The following SLC8A3 variants were observed in gnomAD, a reference collection of about 807,000 sequenced individuals.
SLC8A3 encodes the protein sodium/calcium exchanger 3.
Under a neutral mutation model 65.4 loss-of-function variants are expected in SLC8A3, and 37 were observed. The observed-to-expected ratio is 0.57, with a 90% CI of 0.44 to 0.74. SLC8A3 has a LOEUF of 0.74. Ranked by LOEUF, SLC8A3 falls within the 30% of genes least tolerant of loss-of-function variation. The probability of loss-of-function intolerance (pLI) is 0.00; values close to 1 mark genes in which losing one functional copy is unlikely to be tolerated. For synonymous variants in SLC8A3, 461 were observed against 444.5 expected (o/e 1.04, Z -0.47); for missense variants, 1,112 against 1,172.1 (o/e 0.95, Z 0.75).
intron 2 of SLC8A3, among the ~76,000 whole-genome samples, chr14:70,159,167 G>A (rs1438434338): frequency 1.3e-5 from 2 of 152,162 alleles, no homozygotes; most frequent in Non-Finnish European, 2.9e-5. Context: ...CCAGCACTTT[G>A]GGAGGCCAAG....
chr14:70,144,544 C>T (rs1481714930), intron 2 of SLC8A3, among the ~76,000 whole-genome samples: 2 of 151,034 alleles, frequency 1.3e-5, no homozygotes, highest in Non-Finnish European at 1.5e-5. Flanking sequence ...GCAGGAGAAT[C>T]GCTTGAACCT....
chr14:70,072,310 GAT>G (rs1345567353), intron 2 of SLC8A3, among the ~76,000 whole-genome samples: 1 of 152,148 alleles, frequency 6.6e-6, no homozygotes, highest in Non-Finnish European at 1.5e-5. Flanking sequence ...TAGGGTTCAG[GAT>G]ATGATCACAG....
intron 2 of SLC8A3, among the ~76,000 whole-genome samples, chr14:70,100,660 A>C (rs1892497305): frequency 6.6e-6 from 1 of 152,216 alleles, no homozygotes; most frequent in Non-Finnish European, 1.5e-5. Flanking sequence ...TAAGGGCATA[A>C]AAAGCCTACA....
chr14:70,046,049 G>C lies in SLC8A3; in HGVS notation c.2664C>G (p.Pro888=). 2 of 1,614,042 alleles carry C rather than the reference G, an allele frequency of 1.2e-6. No homozygotes were observed. The highest frequency in any genetic ancestry group is 4.5e-5 in the East Asian group (2 of 44,880). Reference sequence around the variant, plus strand: ...ATGTTGTGGCGAGCTTGCAGCCACGGGGGCCACCAAGCTCCCCTCCCAGGT... The same window carrying C: ...ATGTTGTGGCGAGCTTGCAGCCACGCGGGCCACCAAGCTCCCCTCCCAGGT... ...RPHLGGELGG[P]RGCKLATTWL... is the part of the protein sequence containing the mutation. Residue 888 remains proline (P), a synonymous_variant, in exon 7 of 7, where the codon CCC becomes CCG. Transcript: ENST00000356921. This position sits in a 1 kb window ranked among gnomAD's most constrained non-coding sequence, Gnocchi z 4.2.
intron 1 of SLC8A3, among the ~76,000 whole-genome samples, chr14:70,182,839 C>G (rs891321071): frequency 1.3e-5 from 2 of 152,136 alleles, no homozygotes; most frequent in Admixed American, 1.3e-4. Context: ...AAGAAAGACA[C>G]TTCAGATAAG....
chr14:70,134,507 C>T (rs1395218037), intron 2 of SLC8A3, among the ~76,000 whole-genome samples: 3 of 152,156 alleles, frequency 2.0e-5, no homozygotes, highest in Non-Finnish European at 2.9e-5. Flanking sequence ...AAAGCCTAGA[C>T]ACCACCCTCA....
At chr14:70,047,136 G>C (rs1214124120) in intron 6 of SLC8A3, 1 of 152,238 alleles carries the variant, frequency 6.6e-6, no homozygotes, top group Non-Finnish European at 1.5e-5. Context: ...TAAATCAGAT[G>C]AGTGGATCAC....
At chr14:70,176,305 C>T (rs1262845871) in intron 1 of SLC8A3, among the ~76,000 whole-genome samples, 1 of 152,156 alleles carries the variant, frequency 6.6e-6, no homozygotes, top group Non-Finnish European at 1.5e-5. Context: ...AAGTCATCCT[C>T]CTGTTGGAGA....
At chr14:70,108,568 G>C (rs1280035035) in intron 2 of SLC8A3, among the ~76,000 whole-genome samples, 2 of 152,066 alleles carry the variant, frequency 1.3e-5, no homozygotes, top group African/African-American at 4.8e-5. Context: ...TTTTCTCCCA[G>C]AGAAAAATGC....
At chr14:70,114,232 T>C (rs1051983519) in intron 2 of SLC8A3, among the ~76,000 whole-genome samples, 15 of 152,316 alleles carry the variant, frequency 9.8e-5, no homozygotes, top group African/African-American at 3.4e-4. Flanking sequence ...GCTTCAGCAC[T>C]GTTGACATCT....
intron 2 of SLC8A3, among the ~76,000 whole-genome samples, chr14:70,090,038 T>C (rs921577169): frequency 6.6e-6 from 1 of 151,090 alleles, no homozygotes; most frequent in South Asian, 2.1e-4. Flanking sequence ...CTACCCTTTC[T>C]GTCTTTTTTT....
chr14:70,181,741 A>AAATGGAATGCC (rs1489591818), intron 1 of SLC8A3, among the ~76,000 whole-genome samples: 14 of 152,206 alleles, frequency 9.2e-5, no homozygotes, highest in Admixed American at 9.2e-4. Context: ...AATACAAGGA[A>AAATGGAATGCC]CTGCAAAAAA....
At chr14:70,173,448 T>TA (rs1420905907) in intron 1 of SLC8A3, among the ~76,000 whole-genome samples, 1 of 152,196 alleles carries the variant, frequency 6.6e-6, no homozygotes, top group African/African-American at 2.4e-5. Context: ...TCTGTGTCCT[T>TA]AGCAGTGGCT....
At chr14:70,072,595 G>GTCCATCCATCCATCCATCCA (rs36178413) in intron 2 of SLC8A3, among the ~76,000 whole-genome samples, 2 of 149,678 alleles carry the variant, frequency 1.3e-5, no homozygotes. Flanking sequence ...CTATCTATCC[G>GTCCATCCATCCATCCATCCA]TCCATCCATC....
chr14:70,124,860 G>C lies in SLC8A3; in HGVS notation c.1784+41779C>G, dbSNP rs182787943. The stretch of plus-strand genomic sequence containing the variant: ...AGACTATATTTGGGTCAGAGAAAAA[G>C]GGTGCCAAAATGAATTAGCAACATC... On this transcript the variant is annotated intron_variant, in intron 2 of 6. Transcript: ENST00000356921. Among the ~76,000 whole-genome samples the C allele has an allele frequency of 2.6e-5, 4 of 152,328 alleles. No homozygotes were observed. In the East Asian group the frequency reaches 7.7e-4, roughly 29 times the overall value.
At chr14:70,172,748 G>A (rs1474559733) in intron 1 of SLC8A3, among the ~76,000 whole-genome samples, 1 of 152,076 alleles carries the variant, frequency 6.6e-6, no homozygotes, top group Non-Finnish European at 1.5e-5. Context: ...GTATACAGAT[G>A]TACAAATAAA....
intron 2 of SLC8A3, among the ~76,000 whole-genome samples, chr14:70,141,603 C>A (rs986142860): frequency 6.6e-6 from 1 of 152,188 alleles, no homozygotes; most frequent in Non-Finnish European, 1.5e-5. Context: ...ATCTGTGGAT[C>A]TCTTCAGTAG....
intron 6 of SLC8A3, chr14:70,048,460 T>A (rs1398025723): frequency 1.7e-6 from 1 of 596,440 alleles, no homozygotes; most frequent in Non-Finnish European, 3.0e-6. Flanking sequence ...TCAGTTTCTT[T>A]GTCTGTGAAG....
intron 2 of SLC8A3, among the ~76,000 whole-genome samples, chr14:70,086,508 T>A (rs893236332): frequency 9.2e-5 from 14 of 151,472 alleles, no homozygotes; most frequent in African/African-American, 3.1e-4. Flanking sequence ...TTCAAGTGAT[T>A]CTCCGGCCTC....
Sources: gnomAD v4.1 joint callset for allele counts (sites outside exome capture counted in the v4.1 genomes callset) on GRCh38, gnomAD v4.1.1 for gene constraint, Gnocchi (gnomAD v3.1) non-coding constraint, MANE v1.5 for transcripts, NCBI Gene and HGNC (gene_info 2026-07-23, HGNC 2026-07-21) for gene names.